The following COBL variants were observed in gnomAD, a reference collection of about 807,000 sequenced individuals.
COBL encodes the protein protein cordon-bleu.
Under a neutral mutation model 98.8 loss-of-function variants are expected in COBL, and 51 were observed. That is an observed-to-expected ratio of 0.52 (90% CI 0.41 to 0.65). COBL has a LOEUF of 0.65. Among genes scored for constraint, COBL ranks in the 30% least tolerant of loss-of-function variants. The probability of loss-of-function intolerance (pLI) is 0.00; values close to 1 mark genes in which losing one functional copy is unlikely to be tolerated. For synonymous variants in COBL, 634 were observed against 651.7 expected (o/e 0.97, Z 0.41); for missense variants, 1,617 against 1,617.5 (o/e 1.00, Z 0.01).
chr7:51,097,400 T>C (rs1015302006), intron 6 of COBL, among the ~76,000 whole-genome samples: 2 of 152,184 alleles, frequency 1.3e-5, no homozygotes, highest in African/African-American at 4.8e-5. Context: ...AAGGAAAGAA[T>C]ACCTTCTCTT....
At chr7:51,269,775 A>C (rs1453912082) in intron 1 of COBL, among the ~76,000 whole-genome samples, 3 of 152,204 alleles carry the variant, frequency 2.0e-5, no homozygotes, top group Non-Finnish European at 2.9e-5. Flanking sequence ...TCTCAGCCTC[A>C]ATTAGAAAAT....
At chr7:51,309,877 G>A (rs796635872) in intron 1 of COBL, among the ~76,000 whole-genome samples, 10 of 152,282 alleles carry the variant, frequency 6.6e-5, no homozygotes, top group African/African-American at 2.2e-4. Context: ...GGAGGTTTTC[G>A]GACAGGGGAG....
intron 1 of COBL, among the ~76,000 whole-genome samples, chr7:51,254,606 C>T (rs549985484): frequency 6.6e-6 from 1 of 152,246 alleles, no homozygotes; most frequent in South Asian, 2.1e-4. Flanking sequence ...TACAGGTGGA[C>T]CCCCAATCCT....
intron 5 of COBL, among the ~76,000 whole-genome samples, chr7:51,182,911 G>C (rs1278948412): frequency 6.6e-6 from 1 of 152,136 alleles, no homozygotes; most frequent in Admixed American, 6.5e-5. Context: ...CTGCCAGTTC[G>C]GCCGAGCTCC....
intron 7 of COBL, among the ~76,000 whole-genome samples, chr7:51,075,028 C>A (rs1792928388): frequency 6.6e-6 from 1 of 152,152 alleles, no homozygotes; most frequent in African/African-American, 2.4e-5. Context: ...ATAACTTCAA[C>A]ATGATGGCAT....
chr7:51,044,192 C>A (rs1346703728), intron 7 of COBL, among the ~76,000 whole-genome samples: 2 of 152,204 alleles, frequency 1.3e-5, no homozygotes, highest in African/African-American at 4.8e-5. Flanking sequence ...TACTCCCCAG[C>A]TTTTGGCTCT....
chr7:51,142,016 G>C (rs1242193962), intron 5 of COBL, among the ~76,000 whole-genome samples: 2 of 152,128 alleles, frequency 1.3e-5, no homozygotes, highest in East Asian at 1.9e-4. Flanking sequence ...GCCAAATCCT[G>C]AGCTGTCTTC....
chr7:51,038,475 T>C (rs1039774164), intron 8 of COBL, among the ~76,000 whole-genome samples: 1 of 152,210 alleles, frequency 6.6e-6, no homozygotes, highest in African/African-American at 2.4e-5. Context: ...CAGGCATCCC[T>C]AGCCAAAGGA....
intron 6 of COBL, among the ~76,000 whole-genome samples, chr7:51,097,919 G>A (rs759649132): frequency 1.3e-5 from 2 of 151,326 alleles, no homozygotes; most frequent in African/African-American, 2.4e-5. Context: ...AGCTACTCAG[G>A]AGGCTGAGGC....
intron 1 of COBL, among the ~76,000 whole-genome samples, chr7:51,275,649 C>T (rs987648882): frequency 6.6e-6 from 1 of 152,084 alleles, no homozygotes; most frequent in Non-Finnish European, 1.5e-5. Flanking sequence ...CACCAGCCGC[C>T]ACCAACCACC....
chr7:51,017,166 T>A lies in COBL; in HGVS notation c.*385A>T, dbSNP rs886719450. On this transcript the variant is annotated 3_prime_UTR_variant, in exon 13 of 13. Transcript: ENST00000265136. ...TTAAATCAGTAAGTAGTTTCATCCA[T>A]CTGTATGTGGTAAAAGTCTCAAAGG... 2.2e-6 allele frequency: 1 copy of A among 464,230 alleles called. No homozygotes were observed. The highest frequency in any genetic ancestry group is 2.0e-5 in the African/African-American group (1 of 50,400). 28.8% of individuals were successfully genotyped at this position (464,230 alleles called of 1,614,324 possible).
At chr7:51,039,004 C>T (rs974145474) in intron 8 of COBL, among the ~76,000 whole-genome samples, 2 of 151,510 alleles carry the variant, frequency 1.3e-5, no homozygotes, top group African/African-American at 4.9e-5. Flanking sequence ...TATAGGGGGT[C>T]ATCCAGGGTA....
In COBL at chr7:51,259,979, G is replaced by C. The variant is rs1194365836; in HGVS notation, c.42-40035C>G. The C allele has an allele frequency of 5.3e-6, 4 of 752,458 alleles. No individual in the cohort carries two copies. The East Asian group carries it at 9.7e-5, about 18-fold the overall frequency. The allele number at this position is 752,458 out of a possible 1,614,324, so 46.6% of individuals were successfully genotyped here. A position where few individuals can be genotyped will look rare whatever the true frequency, so the allele number is the denominator to read the frequency against. ...AGTCATCTGAGATGCATCTTGTCAC[G>C]TTTCTGCCACCAGGAATCATATAGG... On this transcript the variant is annotated intron_variant, in intron 1 of 12. Transcript: ENST00000265136.
chr7:51,294,750 G>A (rs1801252765), intron 1 of COBL, among the ~76,000 whole-genome samples: 1 of 151,978 alleles, frequency 6.6e-6, no homozygotes, highest in African/African-American at 2.4e-5. Context: ...CATCCTTGGG[G>A]TCCAGCAATA....
chr7:51,184,067 A>G (rs1018950353), intron 5 of COBL, 35 bp downstream of exon 5: 4 of 1,085,490 alleles, frequency 3.7e-6, no homozygotes, highest in African/African-American at 1.6e-5. Context: ...TTTTTTTTAC[A>G]TGATACAAAA....
chr7:51,029,085 C>T lies in COBL; in HGVS notation c.2011G>A (p.Val671Met). The change falls in exon 10 of 13, where the codon GTG (valine) becomes ATG (methionine). Residue 671 changes from valine to methionine, a missense_variant. Val to Met is a conservative substitution (Grantham distance 21). Transcript: ENST00000265136. Reference sequence around the variant, plus strand: ...TTATCGTTGCTGTCCTTTTCATTCACCGGTTGGGAATTCACTCTCTCTGTG... The same window carrying T: ...TTATCGTTGCTGTCCTTTTCATTCATCGGTTGGGAATTCACTCTCTCTGTG... ...QATERVNSQP[V>M]NEKDSNDKNA... 1 of 1,614,196 alleles carries T rather than the reference C, an allele frequency of 6.2e-7. No homozygotes were observed. Among genetic ancestry groups the T allele is most frequent in the Non-Finnish European group, 8.5e-7 (1 of 1,180,048 alleles).
At chr7:51,218,636 G>C (rs1423712477) in intron 2 of COBL, among the ~76,000 whole-genome samples, 1 of 151,916 alleles carries the variant, frequency 6.6e-6, no homozygotes, top group Admixed American at 6.6e-5. Context: ...TCTATGCCTG[G>C]CTAATTATTT....
chr7:51,168,802 G>A (rs1454777664), intron 5 of COBL, among the ~76,000 whole-genome samples: 1 of 152,196 alleles, frequency 6.6e-6, no homozygotes, highest in East Asian at 1.9e-4. Context: ...GTATATTGAA[G>A]AGATATCTGC....
chr7:51,051,168 G>GA (rs2128896830), intron 7 of COBL, among the ~76,000 whole-genome samples: 1 of 152,290 alleles, frequency 6.6e-6, no homozygotes, highest in East Asian at 1.9e-4. Flanking sequence ...AGATTCAGAT[G>GA]AAAATCCTTC....
Sources: gnomAD v4.1 joint callset for allele counts (sites outside exome capture counted in the v4.1 genomes callset) on GRCh38, gnomAD v4.1.1 for gene constraint, MANE v1.5 for transcripts, NCBI Gene and HGNC (gene_info 2026-07-23, HGNC 2026-07-21) for gene names.